ATP13A4: variants seen among roughly 807,000 people sequenced by gnomAD.
ATP13A4 encodes the protein ATPase 13A4, also known as probable cation-transporting ATPase 13A4.
In ATP13A4, 114 loss-of-function variants were observed where a neutral mutation model predicts 142.5. That is an observed-to-expected ratio of 0.80 (90% CI 0.69 to 0.93). The LOEUF is 0.93. Among genes scored for constraint, ATP13A4 ranks in the 40% least tolerant of loss-of-function variants. The pLI is 0.00. For synonymous variants in ATP13A4, 488 were observed against 514.8 expected (o/e 0.95, Z 0.70); for missense variants, 1,392 against 1,454.0 (o/e 0.96, Z 0.69).
At chr3:193,476,766 G>T (rs1718986997) in intron 8 of ATP13A4, among the ~76,000 whole-genome samples, 2 of 151,938 alleles carry the variant, frequency 1.3e-5, no homozygotes, top group African/African-American at 4.8e-5. Flanking sequence ...GAGTAGGGAG[G>T]CCTGAGGAAA....
upstream of ATP13A4, among the ~76,000 whole-genome samples, chr3:193,555,942 T>G (rs1354901464): frequency 6.6e-6 from 1 of 152,218 alleles, no homozygotes; most frequent in East Asian, 1.9e-4. Context: ...GAGAATGGAA[T>G]GAGATCATTG....
intron 3 of ATP13A4, among the ~76,000 whole-genome samples, chr3:193,498,925 G>T (rs1397356466): frequency 6.6e-6 from 1 of 152,138 alleles, no homozygotes; most frequent in African/African-American, 2.4e-5. Context: ...CACAAAATAA[G>T]TGCTCAATAC....
intron 2 of ATP13A4, among the ~76,000 whole-genome samples, chr3:193,507,547 A>G (rs1720921888): frequency 6.6e-6 from 1 of 152,164 alleles, no homozygotes; most frequent in Non-Finnish European, 1.5e-5. Context: ...GGAGGGAGGG[A>G]CAACACAATG....
intron 13 of ATP13A4, among the ~76,000 whole-genome samples, chr3:193,462,154 G>A (rs951727793): frequency 7.9e-5 from 12 of 151,474 alleles, no homozygotes; most frequent in Admixed American, 5.3e-4. Context: ...CCCAGGAGGC[G>A]GAGGTTGCAA....
At chr3:193,413,534 A>G (rs571438066) in intron 26 of ATP13A4, among the ~76,000 whole-genome samples, 1 of 152,270 alleles carries the variant, frequency 6.6e-6, no homozygotes, top group African/African-American at 2.4e-5. Flanking sequence ...TAGGGAAGAG[A>G]CCGTTGAATT....
chr3:193,406,262 A>C (rs1363320114), intron 29 of ATP13A4, among the ~76,000 whole-genome samples: 3 of 152,210 alleles, frequency 2.0e-5, no homozygotes, highest in Admixed American at 6.5e-5. Flanking sequence ...CTGTTCTGCC[A>C]CCAGCTCCTG....
At chr3:193,502,106 C>T (rs1367802485) in intron 3 of ATP13A4, among the ~76,000 whole-genome samples, 1 of 152,158 alleles carries the variant, frequency 6.6e-6, no homozygotes, top group Non-Finnish European at 1.5e-5. Context: ...AGCCACTGCA[C>T]TCCAGCCTGG....
At chr3:193,537,918 G>A (rs942497002) in intron 1 of ATP13A4, among the ~76,000 whole-genome samples, 1 of 152,100 alleles carries the variant, frequency 6.6e-6, no homozygotes, top group African/African-American at 2.4e-5. Context: ...GAAATAGAGA[G>A]TAGATGCATG....
At chr3:193,541,135 G>C (rs942033817) in intron 1 of ATP13A4, among the ~76,000 whole-genome samples, 2 of 151,400 alleles carry the variant, frequency 1.3e-5, no homozygotes, top group African/African-American at 4.9e-5. Context: ...TGTAGTCCCA[G>C]CTACTCGGGA....
At chr3:193,534,939 T>TA (rs1722516469) in intron 1 of ATP13A4, among the ~76,000 whole-genome samples, 1 of 148,550 alleles carries the variant, frequency 6.7e-6, no homozygotes, top group South Asian at 2.1e-4. Flanking sequence ...GTCAAATCTG[T>TA]AAAAAATAAA....
At chr3:193,444,217 C>G (rs915808837) in intron 18 of ATP13A4, among the ~76,000 whole-genome samples, 3 of 152,106 alleles carry the variant, frequency 2.0e-5, no homozygotes, top group African/African-American at 4.8e-5. Context: ...AACAATACTT[C>G]AAATTATCAC....
chr3:193,432,369 A>G (rs1716029355), intron 25 of ATP13A4, among the ~76,000 whole-genome samples: 1 of 152,130 alleles, frequency 6.6e-6, no homozygotes, highest in East Asian at 1.9e-4. Flanking sequence ...TACAAAACAA[A>G]ACTTATTCTT....
At chr3:193,517,675 G>A (rs891408650) in intron 1 of ATP13A4, among the ~76,000 whole-genome samples, 49 of 150,328 alleles carry the variant, frequency 3.3e-4, no homozygotes, top group Non-Finnish European at 7.4e-5. Context: ...TAGTAGAGAC[G>A]GGGTTTCACC....
At position 193,459,214 on chromosome 3, in the gene ATP13A4, C is replaced by T. The variant is rs764181671; in HGVS notation, c.1541G>A (p.Ser514Asn). ...CDRNGFQEVHSFASGQALPWG... is the reference protein window; with the variant it reads ...CDRNGFQEVHNFASGQALPWG... ...TGGCAAAGCCTGGCCTGAGGCAAAG[C>T]TGTGAACTTCCTGAAAGCTTAAGGA... The change falls in exon 14 of 30, where the codon AGC becomes AAC. Residue 514 changes from serine (S) to asparagine (N), a missense_variant. By Grantham distance (46) the Ser-to-Asn change is conservative. Coordinates refer to ENST00000342695, the MANE Select transcript of ATP13A4 (RefSeq NM_032279.4). The T allele has an allele frequency of 7.4e-6, 12 of 1,614,120 alleles. No individual in the cohort carries two copies. Among genetic ancestry groups the T allele is most frequent in the Non-Finnish European group, 1.0e-5 (12 of 1,180,046 alleles).
chr3:193,417,567 C>A (rs1176577713), intron 25 of ATP13A4, among the ~76,000 whole-genome samples: 3 of 152,246 alleles, frequency 2.0e-5, no homozygotes. Flanking sequence ...TAAAAACCCA[C>A]AGCTAACATC....
chr3:193,558,919 C>T (rs1222529483), upstream of ATP13A4, among the ~76,000 whole-genome samples: 1 of 152,178 alleles, frequency 6.6e-6, no homozygotes, highest in Non-Finnish European at 1.5e-5. Context: ...GCTACCTCTG[C>T]TGATCTGGCA....
chr3:193,408,953 T>C (rs1369798595), intron 28 of ATP13A4, among the ~76,000 whole-genome samples: 2 of 152,232 alleles, frequency 1.3e-5, no homozygotes, highest in African/African-American at 2.4e-5. Flanking sequence ...CCTGAACAAA[T>C]ATAATAGTTT....
At chr3:193,465,182 A>G (rs2108642921) in intron 11 of ATP13A4, 54 bp from the exon 12 acceptor site, 1 of 1,566,548 alleles carries the variant, frequency 6.4e-7, no homozygotes, top group South Asian at 1.2e-5. Context: ...TGAACAGCAT[A>G]TGACTCTTTG....
At chr3:193,452,951 T>G (rs1278616996) in intron 17 of ATP13A4, among the ~76,000 whole-genome samples, 1 of 152,082 alleles carries the variant, frequency 6.6e-6, no homozygotes, top group African/African-American at 2.4e-5. Flanking sequence ...GAGATTGTAC[T>G]GTTTTTTTCA....
Sources: gnomAD v4.1 joint callset for allele counts (sites outside exome capture counted in the v4.1 genomes callset) on GRCh38, gnomAD v4.1.1 for gene constraint, MANE v1.5 for transcripts, NCBI Gene and HGNC (gene_info 2026-07-23, HGNC 2026-07-21) for gene names.